The following ZNF506 variants were observed in gnomAD, a reference collection of about 807,000 sequenced individuals.
ZNF506 encodes the protein zinc finger protein 506.
A neutral mutation model predicts 11.6 loss-of-function variants in ZNF506; 10 were observed. The ratio of observed to expected loss-of-function variants is 0.86; its 90% CI spans 0.53 to 1.46. The LOEUF (loss-of-function observed/expected upper bound fraction) is 1.46. Among genes scored for constraint, ZNF506 ranks in the 40% most tolerant of loss-of-function variants. The pLI is 0.00. For synonymous variants in ZNF506, 156 were observed against 173.3 expected (o/e 0.90, Z 0.78); for missense variants, 425 against 521.2 (o/e 0.82, Z 1.80).
chr19:19,818,881 G>A (rs1314159194), intron 1 of ZNF506, among the ~76,000 whole-genome samples: 1 of 152,120 alleles, frequency 6.6e-6, no homozygotes, highest in Non-Finnish European at 1.5e-5. Context: ...CTAGCTATTG[G>A]GGAGGCCGAG....
At chr19:19,803,001 C>T (rs2062807456) in intron 3 of ZNF506, among the ~76,000 whole-genome samples, 1 of 152,152 alleles carries the variant, frequency 6.6e-6, no homozygotes, top group Non-Finnish European at 1.5e-5. Context: ...AAGACCCCAT[C>T]TCCAAAATAA....
intron 3 of ZNF506, among the ~76,000 whole-genome samples, chr19:19,801,093 G>A (rs1163561702): frequency 6.6e-6 from 1 of 152,082 alleles, no homozygotes; most frequent in Admixed American, 6.6e-5. Flanking sequence ...CCGGAAGGTG[G>A]AGGTTGCAGT....
At position 19,821,685 on chromosome 19, in the gene ZNF506, T is replaced by C. The variant is rs1175089833; in HGVS notation, c.-82A>G. ...GTCACAGGGCCACAGAGGCTGGGCC[T>C]CTAGGAGCTGACGGCACAGAGCAGT... is the stretch of plus-strand genomic sequence containing the variant. On this transcript the variant is annotated 5_prime_UTR_variant, in exon 1 of 4. Coordinates refer to ENST00000540806, the MANE Select transcript of ZNF506 (RefSeq NM_001099269.3). 66 of 1,560,774 alleles carry C rather than the reference T, an allele frequency of 4.2e-5. No homozygotes were observed. The highest frequency in any genetic ancestry group is 5.3e-5 in the Non-Finnish European group (60 of 1,132,208).
chr19:19,801,419 C>T (rs2062791346), intron 3 of ZNF506, among the ~76,000 whole-genome samples: 1 of 151,374 alleles, frequency 6.6e-6, no homozygotes, highest in Non-Finnish European at 1.5e-5. Context: ...CGCTTGAACC[C>T]AGGAGGTGGA....
intron 3 of ZNF506, among the ~76,000 whole-genome samples, chr19:19,801,500 A>AG (rs2145181423): frequency 6.6e-6 from 1 of 152,018 alleles, no homozygotes; most frequent in Admixed American, 6.6e-5. Context: ...ATCTCAAAAA[A>AG]AAAAAAAGAC....
intron 2 of ZNF506, 36 bp from the exon 3 acceptor site, chr19:19,806,162 C>A (rs182150257): frequency 1.3e-6 from 2 of 1,494,022 alleles, no homozygotes; most frequent in African/African-American, 1.4e-5. Context: ...GAATCTTGCT[C>A]ATATTCTCCA....
At chr19:19,813,855 A>T (rs760572426) in intron 1 of ZNF506, among the ~76,000 whole-genome samples, 1 of 152,168 alleles carries the variant, frequency 6.6e-6, no homozygotes, top group Non-Finnish European at 1.5e-5. Context: ...GCCCGCATGT[A>T]GTCCCAGCTA....
intron 1 of ZNF506, among the ~76,000 whole-genome samples, chr19:19,807,634 G>A (rs1006218183): frequency 6.6e-6 from 1 of 152,082 alleles, no homozygotes; most frequent in African/African-American, 2.4e-5. Context: ...AGCCTCCCGA[G>A]TAGCTGGGAT....
chr19:19,812,958 C>T (rs998917740), intron 1 of ZNF506, among the ~76,000 whole-genome samples: 6 of 152,204 alleles, frequency 3.9e-5, no homozygotes, highest in Admixed American at 6.5e-5. Context: ...GCTGCTCTCT[C>T]ATCTCCTAGC....
chr19:19,818,967 AAC>A (rs2062951772), intron 1 of ZNF506, among the ~76,000 whole-genome samples: 2 of 152,174 alleles, frequency 1.3e-5, no homozygotes, highest in African/African-American at 4.8e-5. Flanking sequence ...CAGCCTGTGC[AAC>A]AGAGACTGTT....
intron 1 of ZNF506, among the ~76,000 whole-genome samples, chr19:19,813,104 T>C (rs1568479870): frequency 6.6e-6 from 1 of 152,200 alleles, no homozygotes. Context: ...AGAGCTATGT[T>C]GGTGGTGTTT....
In ZNF506 at chr19:19,800,419, T is replaced by C. The variant is rs1057128028; in HGVS notation, c.227-4759A>G. On this transcript the variant is annotated intron_variant, in intron 3 of 3. Coordinates refer to ENST00000540806, the MANE Select transcript of ZNF506 (RefSeq NM_001099269.3). The stretch of plus-strand genomic sequence containing the variant: ...ATATATATATATATATATATTTATA[T>C]ATATTATTTTTTTTCGAGATGGAGT... Among the ~76,000 whole-genome samples the C allele has an allele frequency of 2.7e-5, 4 of 147,934 alleles. No individual in the cohort carries two copies. In the Admixed American group the frequency reaches 2.7e-4, roughly 10 times the overall value.
chr19:19,799,624 C>T (rs545979635), intron 3 of ZNF506, among the ~76,000 whole-genome samples: 3 of 151,948 alleles, frequency 2.0e-5, no homozygotes, highest in Non-Finnish European at 4.4e-5. Flanking sequence ...TTGAAATAAA[C>T]TTGGCTGGGT....
chr19:19,796,069 G>C (rs139021167), intron 3 of ZNF506: 2 of 224,038 alleles, frequency 8.9e-6, no homozygotes, highest in East Asian at 2.2e-4. Flanking sequence ...GGATCATGAG[G>C]TCAACAGTTC....
intron 1 of ZNF506, among the ~76,000 whole-genome samples, chr19:19,815,333 G>A (rs2062921467): frequency 6.6e-6 from 1 of 152,132 alleles, no homozygotes. Context: ...CGAGTCCCGG[G>A]AGGAGTGTGG....
intron 3 of ZNF506, among the ~76,000 whole-genome samples, chr19:19,800,391 A>AATATATATATATATATTTATATTTAT (rs1460340025): frequency 7.2e-6 from 1 of 139,244 alleles, no homozygotes; most frequent in East Asian, 2.3e-4. Context: ...AACTAAACAG[A>AATATATATATATATATTTATATTTAT]ATATATATAT....
At chr19:19,806,846 G>T in intron 2 of ZNF506, 96 bp downstream of exon 2, 1 of 1,418,834 alleles carries the variant, frequency 7.0e-7, no homozygotes, top group Non-Finnish European at 9.5e-7. Flanking sequence ...TGAAACTCTT[G>T]TATGCAAAGA....
At chr19:19,808,538 T>G (rs1419150824) in intron 1 of ZNF506, among the ~76,000 whole-genome samples, 4 of 151,532 alleles carry the variant, frequency 2.6e-5, no homozygotes, top group African/African-American at 9.7e-5. Context: ...TAGTCTGAAT[T>G]TAACCATAAA....
At chr19:19,801,439 G>C (rs145955646) in intron 3 of ZNF506, among the ~76,000 whole-genome samples, 4 of 150,820 alleles carry the variant, frequency 2.7e-5, no homozygotes, top group Non-Finnish European at 5.9e-5. Context: ...AGGTTGCAGT[G>C]AGCCAAAATC....
Sources: allele counts gnomAD v4.1 joint callset (sites outside exome capture counted in the v4.1 genomes callset), GRCh38; gene constraint gnomAD v4.1.1; transcripts MANE v1.5; gene names NCBI Gene and HGNC (gene_info 2026-07-23, HGNC 2026-07-21).